The following SLC24A2 variants were observed in gnomAD, a reference collection of about 807,000 sequenced individuals.
The protein encoded by SLC24A2 is solute carrier family 24 member 2, also known as sodium/potassium/calcium exchanger 2.
SLC24A2 carries 36 observed loss-of-function variants against 62.0 expected under a neutral mutation model. That is an observed-to-expected ratio of 0.58 (90% confidence interval 0.44 to 0.77). The LOEUF is 0.77. Ranked by LOEUF, SLC24A2 falls within the 30% of genes least tolerant of loss-of-function variation. The pLI is 0.00. For synonymous variants in SLC24A2, 358 were observed against 294.0 expected, an observed-to-expected ratio of 1.22 and a Z score of -2.23; for missense variants, 846 against 817.9, an observed-to-expected ratio of 1.03 and a Z score of -0.42.
the SLC24A2 span, among the ~76,000 whole-genome samples, chr9:19,953,127 TCTTG>T: frequency 6.6e-6 from 1 of 151,998 alleles, no homozygotes; most frequent in Non-Finnish European, 1.5e-5. Context: ...CCTCTTTCAT[TCTTG>T]ACATTGGTAA....
chr9:20,142,576 C>CT, the SLC24A2 span, among the ~76,000 whole-genome samples: 2 of 151,946 alleles, frequency 1.3e-5, no homozygotes, highest in Admixed American at 6.6e-5. Context: ...TTCTCCATGT[C>CT]TTTTTTAATT....
chr9:20,109,244 A>G, the SLC24A2 span, among the ~76,000 whole-genome samples: 2 of 152,220 alleles, frequency 1.3e-5, no homozygotes, highest in Non-Finnish European at 2.9e-5. Context: ...ATGACTATGT[A>G]TGTAACCTCA....
chr9:19,793,501 T>G (rs1190332951), upstream of SLC24A2, among the ~76,000 whole-genome samples: 2 of 152,180 alleles, frequency 1.3e-5, no homozygotes, highest in African/African-American at 2.4e-5. Flanking sequence ...ATGGAAAGAT[T>G]TGGTGATGAT....
the SLC24A2 span, among the ~76,000 whole-genome samples, chr9:20,048,370 G>T: frequency 7.9e-5 from 12 of 152,288 alleles, no homozygotes; most frequent in Non-Finnish European, 1.8e-4. Flanking sequence ...TTAGCCACCT[G>T]AAGCACAGTA....
chr9:20,233,918 C>A, the SLC24A2 span, among the ~76,000 whole-genome samples: 1 of 152,136 alleles, frequency 6.6e-6, no homozygotes, highest in Non-Finnish European at 1.5e-5. Context: ...TTAGGGCAGG[C>A]CTGGTGGTGA....
At chr9:19,941,460 AC>A in the SLC24A2 span, among the ~76,000 whole-genome samples, 10 of 152,198 alleles carry the variant, frequency 6.6e-5, no homozygotes, top group Admixed American at 5.2e-4. Flanking sequence ...TAATATAAAA[AC>A]ATCACATATT....
chr9:19,721,923 T>C (rs547831036), intron 2 of SLC24A2, among the ~76,000 whole-genome samples: 45 of 152,268 alleles, frequency 3.0e-4, no homozygotes, highest in African/African-American at 9.9e-4. Flanking sequence ...TTCAGATAAA[T>C]AGACCTCATA....
the SLC24A2 span, among the ~76,000 whole-genome samples, chr9:19,859,584 C>G: frequency 6.6e-6 from 1 of 152,144 alleles, no homozygotes; most frequent in Non-Finnish European, 1.5e-5. Context: ...GCAAGCACAC[C>G]AAATAAACAA....
the SLC24A2 span, among the ~76,000 whole-genome samples, chr9:19,973,742 C>T: frequency 2.0e-3 from 308 of 152,206 alleles, 1 homozygote; most frequent in African/African-American, 6.7e-3. Flanking sequence ...ACATTTTACC[C>T]GCTTGTTTAA....
chr9:19,973,928 A>G, the SLC24A2 span, among the ~76,000 whole-genome samples: 1 of 152,312 alleles, frequency 6.6e-6, no homozygotes, highest in Non-Finnish European at 1.5e-5. Flanking sequence ...TCCCTATAGA[A>G]AAAGTGTAAT....
At chr9:19,732,083 T>A (rs955411856) in intron 2 of SLC24A2, among the ~76,000 whole-genome samples, 4 of 146,222 alleles carry the variant, frequency 2.7e-5, no homozygotes, top group Admixed American at 2.1e-4. Context: ...GGATGTCCAA[T>A]ATAAGACCTT....
chr9:20,078,932 C>T, the SLC24A2 span, among the ~76,000 whole-genome samples: 1 of 152,162 alleles, frequency 6.6e-6, no homozygotes, highest in Admixed American at 6.5e-5. Context: ...TGTCTTAGAA[C>T]ACTAGTAACT....
chr9:19,965,783 A>G, the SLC24A2 span, among the ~76,000 whole-genome samples: 1 of 152,138 alleles, frequency 6.6e-6, no homozygotes, highest in Non-Finnish European at 1.5e-5. Context: ...GTGACCTGGG[A>G]AAGTCATTTA....
At position 19,588,764 on chromosome 9, in the gene SLC24A2, G is replaced by A. The variant is rs556463209; in HGVS notation, c.1129+8465C>T. ...TCACTTGAGGTCAGGGATTCAAGAC[G>A]AGCCTGGTCAACACGGTGAAACCCC... is the stretch of plus-strand genomic sequence containing the variant. On this transcript the variant is annotated intron_variant, in intron 5 of 10. Coordinates refer to ENST00000341998, the MANE Select transcript of SLC24A2 (RefSeq NM_020344.4). Among the ~76,000 whole-genome samples, 9 of 152,070 alleles carry A rather than the reference G, an allele frequency of 5.9e-5. No homozygotes were observed. In the East Asian group the frequency reaches 7.7e-4, roughly 13 times the overall value.
At chr9:19,801,044 A>T in the SLC24A2 span, among the ~76,000 whole-genome samples, 1 of 152,192 alleles carries the variant, frequency 6.6e-6, no homozygotes, top group Non-Finnish European at 1.5e-5. Flanking sequence ...TATTGTTACC[A>T]GGGGGTCCTT....
chr9:20,121,193 T>C, the SLC24A2 span, among the ~76,000 whole-genome samples: 18 of 150,776 alleles, frequency 1.2e-4, no homozygotes, highest in Non-Finnish European at 2.1e-4. Flanking sequence ...GAATTGCATT[T>C]ATAGGTCAAT....
chr9:20,207,555 T>G, the SLC24A2 span, among the ~76,000 whole-genome samples: 1 of 152,244 alleles, frequency 6.6e-6, no homozygotes, highest in Non-Finnish European at 1.5e-5. Context: ...TGCAACAATT[T>G]GTCTATAATT....
chr9:19,805,764 T>C, the SLC24A2 span, among the ~76,000 whole-genome samples: 12 of 152,100 alleles, frequency 7.9e-5, no homozygotes, highest in East Asian at 1.7e-3. Flanking sequence ...TTGATACTTT[T>C]TTTTTTTTTC....
chr9:19,761,614 T>C (rs2118853857), intron 2 of SLC24A2, among the ~76,000 whole-genome samples: 1 of 152,268 alleles, frequency 6.6e-6, no homozygotes, highest in East Asian at 1.9e-4. Flanking sequence ...GTATATCTCC[T>C]AATGCTGTCC....
Sources: allele counts gnomAD v4.1 joint callset (sites outside exome capture counted in the v4.1 genomes callset), GRCh38; gene constraint gnomAD v4.1.1; transcripts MANE v1.5; gene names NCBI Gene and HGNC (gene_info 2026-07-23, HGNC 2026-07-21).